Variants in UMODL1 observed in about 807,000 individuals in gnomAD.
UMODL1 encodes the protein uromodulin like 1.
A neutral mutation model predicts 136.3 loss-of-function variants in UMODL1; 128 were observed. The observed-to-expected ratio is 0.94, with a 90% CI of 0.81 to 1.09. The LOEUF is 1.09. UMODL1 is among the 50% of genes least tolerant of loss of function. The pLI is 0.00. For missense variants in UMODL1, 1,766 were observed against 1,725.6 expected, an observed-to-expected ratio of 1.02 and a Z score of -0.41; for synonymous variants, 721 against 720.0, an observed-to-expected ratio of 1.00 and a Z score of -0.02.
intron 12 of UMODL1, chr21:42,112,918 A>G (rs2066855044): frequency 6.5e-6 from 1 of 152,718 alleles, no homozygotes; most frequent in African/African-American, 2.4e-5. Flanking sequence ...AGATTTAGCC[A>G]TCACCAAACC....
chr21:42,128,525 C>T (rs2067092703), intron 20 of UMODL1, among the ~76,000 whole-genome samples: 1 of 147,080 alleles, frequency 6.8e-6, no homozygotes, highest in South Asian at 2.1e-4. Flanking sequence ...GGTGACCAAG[C>T]TCTGAGCGTC....
upstream of UMODL1, among the ~76,000 whole-genome samples, chr21:42,069,671 C>T (rs2066212823): frequency 6.6e-6 from 1 of 152,120 alleles, no homozygotes; most frequent in East Asian, 1.9e-4. Context: ...CAACAGTGCA[C>T]CAGACGAATT....
chr21:42,068,764 G>A (rs2066203943), upstream of UMODL1, among the ~76,000 whole-genome samples: 1 of 152,248 alleles, frequency 6.6e-6, no homozygotes. This position sits in a 1 kb window ranked among gnomAD's most constrained non-coding sequence, Gnocchi z 5.5. Flanking sequence ...GTGAACGTGT[G>A]TCAGTATGTG....
chr21:42,084,841 T>G (rs1002168527), intron 3 of UMODL1, among the ~76,000 whole-genome samples: 6 of 145,464 alleles, frequency 4.1e-5, no homozygotes, highest in African/African-American at 1.5e-4. Flanking sequence ...ATGATAATAC[T>G]ATATCATTAT....
At position 42,122,662 on chromosome 21, in the gene UMODL1, C is replaced by CGT. The variant is rs59428323; in HGVS notation, c.2828-151_2828-150dup. Among the ~76,000 whole-genome samples the CGT allele has an allele frequency of 0.054, 8,166 of 150,322 alleles. 282 individuals carry two copies. Among genetic ancestry groups the CGT allele is most frequent in the African/African-American group, 0.11 (4,346 of 41,074 alleles). On this transcript the variant is annotated intron_variant, in intron 16 of 22. Transcript: ENST00000408910. The surrounding 1 kb of genome is among the most constrained non-coding windows in gnomAD (Gnocchi z 4.3). ...GTGTACGTGTGTGTGCATATGTGTG[C>CGT]GTGTGTGTGTGTGTGTGTGCACGTG...
At chr21:42,111,443 A>G in intron 11 of UMODL1, 63 bp from the exon 12 acceptor site, 2 of 1,613,584 alleles carry the variant, frequency 1.2e-6, no homozygotes, top group Non-Finnish European at 8.5e-7. Flanking sequence ...CCCGAAGGCT[A>G]CTGGGTCAAC....
chr21:42,084,395 CTCTTAGATAA>C, intron 3 of UMODL1, 150 bp downstream of exon 3: 1 of 799,214 alleles, frequency 1.3e-6, no homozygotes, highest in Non-Finnish European at 1.8e-6. Flanking sequence ...GCAGCACCTG[CTCTTAGATAA>C]TTTCTTAGTC....
chr21:42,099,102 G>T lies in UMODL1; in HGVS notation c.1108G>T (p.Ala370Ser), dbSNP rs758817718. 51 of 1,614,030 alleles carry T rather than the reference G, an allele frequency of 3.2e-5. 2 individuals carry two copies. The South Asian group carries it at 5.3e-4, about 17-fold the overall frequency. Residue 370 changes from alanine (A) to serine (S), a missense_variant, in exon 7 of 23, where the codon GCT becomes TCT. By Grantham distance (99) the Ala-to-Ser change is moderately conservative. Coordinates refer to ENST00000408910, the MANE Select transcript of UMODL1 (RefSeq NM_001004416.3). This position sits in a 1 kb window ranked among gnomAD's most constrained non-coding sequence, Gnocchi z 4.1. Reference sequence around the variant, plus strand: ...GGCACTGGCAGTGGCTGGGCTGGAGGCTGGAGTGCTGTACAGGGTGAAGAC... The same window carrying T: ...GGCACTGGCAGTGGCTGGGCTGGAGTCTGGAGTGCTGTACAGGGTGAAGAC... ...SQALAVAGLEAGVLYRVKTSY... is the reference protein window; with the variant it reads ...SQALAVAGLESGVLYRVKTSY...
intron 9 of UMODL1, among the ~76,000 whole-genome samples, chr21:42,109,118 C>A (rs220119): frequency 0.57 from 59,615 of 105,426 alleles, 18,451 homozygotes; most frequent in East Asian, 0.67. Context: ...TGTTATACTC[C>A]GCTGGACCCC....
At chr21:42,069,462 G>T (rs1438532802), upstream of UMODL1, among the ~76,000 whole-genome samples, 1 of 152,128 alleles carries the variant, frequency 6.6e-6, no homozygotes, top group African/African-American at 2.4e-5. Flanking sequence ...TCTTGATTTT[G>T]TTCCCCTGTC....
chr21:42,117,164 C>G (rs1014099077), intron 14 of UMODL1, among the ~76,000 whole-genome samples: 3 of 152,168 alleles, frequency 2.0e-5, no homozygotes, highest in African/African-American at 7.2e-5. Flanking sequence ...ATAGATTTGC[C>G]CATTGTGGAC....
chr21:42,127,194 C>A lies in UMODL1; in HGVS notation c.3482C>A (p.Pro1161Gln), dbSNP rs765005085. The change falls in exon 19 of 23, where the codon CCG (proline) becomes CAG (glutamine). Residue 1161 changes from proline to glutamine, a missense_variant. Transcript: ENST00000408910. ...GTCCTGACGGAGTGCTGGGCAACCCCGTCTAGCAACGCCCGGGACCCCATC... is the reference window on the plus strand; with the variant it reads ...GTCCTGACGGAGTGCTGGGCAACCCAGTCTAGCAACGCCCGGGACCCCATC... ...KVVLTECWAT[P>Q]SSNARDPITF... is the part of the protein sequence containing the mutation. 1 of 1,614,094 alleles carries A rather than the reference C, an allele frequency of 6.2e-7. No homozygotes were observed. Among genetic ancestry groups the A allele is most frequent in the South Asian group, 1.1e-5 (1 of 91,024 alleles).
upstream of UMODL1, among the ~76,000 whole-genome samples, chr21:42,069,864 C>A (rs1218149526): frequency 6.8e-6 from 1 of 147,282 alleles, no homozygotes; most frequent in African/African-American, 2.7e-5. Context: ...AATAAAATTT[C>A]ACTTCCTTGA....
At chr21:42,118,610 C>G (rs751665931) in intron 14 of UMODL1, among the ~76,000 whole-genome samples, 3 of 152,126 alleles carry the variant, frequency 2.0e-5, no homozygotes, top group Non-Finnish European at 4.4e-5. Context: ...AGGAAGCAGT[C>G]TGGGGAGAGG....
chr21:42,067,640 G>GC (rs1334172971), upstream of UMODL1, among the ~76,000 whole-genome samples: 2 of 152,174 alleles, frequency 1.3e-5, no homozygotes, highest in East Asian at 1.9e-4. Flanking sequence ...CGTGTCCACT[G>GC]CCCCCCTGGC....
intron 6 of UMODL1, 95 bp from the exon 7 acceptor site, chr21:42,098,831 A>T: frequency 6.5e-7 from 1 of 1,529,994 alleles, no homozygotes; most frequent in Non-Finnish European, 8.8e-7. Context: ...TAAATCAGTG[A>T]GAACCAAGTT....
intron 2 of UMODL1, among the ~76,000 whole-genome samples, chr21:42,079,374 CT>C (rs1181299242): frequency 6.6e-6 from 1 of 152,230 alleles, no homozygotes; most frequent in East Asian, 1.9e-4. Flanking sequence ...GTGTTAACAC[CT>C]TTAATTAGGG....
At chr21:42,107,456 G>A (rs948551452) in intron 9 of UMODL1, among the ~76,000 whole-genome samples, 1 of 152,228 alleles carries the variant, frequency 6.6e-6, no homozygotes, top group African/African-American at 2.4e-5. Context: ...CCTCTGCAGA[G>A]TGAGAGAAGG....
At chr21:42,117,448 C>G (rs2066915115) in intron 14 of UMODL1, among the ~76,000 whole-genome samples, 1 of 152,236 alleles carries the variant, frequency 6.6e-6, no homozygotes, top group African/African-American at 2.4e-5. Context: ...GCCATCCCCT[C>G]AGCATTCTCC....
Sources: allele counts gnomAD v4.1 joint callset (sites outside exome capture counted in the v4.1 genomes callset), GRCh38; gene constraint gnomAD v4.1.1; non-coding constraint Gnocchi (gnomAD v3.1); transcripts MANE v1.5; gene names NCBI Gene and HGNC (gene_info 2026-07-23, HGNC 2026-07-21).